Variants in TK2 observed in about 807,000 individuals in gnomAD.
TK2 encodes thymidine kinase 2.
TK2 carries 35 observed loss-of-function variants against 41.9 expected under a neutral mutation model. That is an observed-to-expected ratio of 0.84 (90% confidence interval 0.64 to 1.11). The LOEUF is 1.11. Ranked by LOEUF, TK2 falls within the 50% of genes least tolerant of loss-of-function variation. The probability of loss-of-function intolerance (pLI) is 0.00; values close to 1 mark genes in which losing one functional copy is unlikely to be tolerated. For synonymous variants in TK2, 128 were observed against 129.1 expected, an observed-to-expected ratio of 0.99 and a Z score of 0.06; for missense variants, 320 against 351.1, an observed-to-expected ratio of 0.91 and a Z score of 0.71.
intron 3 of TK2, among the ~76,000 whole-genome samples, chr16:66,537,807 A>T (rs1400847911): frequency 4.6e-5 from 7 of 152,200 alleles, no homozygotes; most frequent in Non-Finnish European, 8.8e-5. Context: ...TTCAGAGTAC[A>T]TGTGAGAAGG....
At chr16:66,544,193 C>T (rs776385196) in intron 2 of TK2, among the ~76,000 whole-genome samples, 2 of 152,114 alleles carry the variant, frequency 1.3e-5, no homozygotes, top group Non-Finnish European at 2.9e-5. Context: ...ATCTGCCCTC[C>T]GGTTTACAGC....
At chr16:66,549,896 C>A in intron 1 of TK2, 42 bp downstream of exon 1, 1 of 1,332,382 alleles carries the variant, frequency 7.5e-7, no homozygotes, top group Non-Finnish European at 9.5e-7. Flanking sequence ...AGTAGGTGGG[C>A]GCATAGGGGC....
chr16:66,536,989 C>A lies in TK2; in HGVS notation c.260G>T (p.Arg87Ile). ...CAGAGGATTGTGGCCACGGACATTT[C>A]TCCACTTGGACACAGGCTCCGTTAA... ...EVLTEPVSKWRNVRGHNPLGL... is the reference protein window; with the variant it reads ...EVLTEPVSKWINVRGHNPLGL... Residue 87 changes from arginine (R) to isoleucine (I), a missense_variant, in exon 4 of 10, where the codon AGA becomes ATA. Transcript: ENST00000544898. The A allele has an allele frequency of 6.2e-7, 1 of 1,614,106 alleles. No homozygotes were observed. Among genetic ancestry groups the A allele is most frequent in the Non-Finnish European group, 8.5e-7 (1 of 1,180,008 alleles).
Position 66,541,969 on chromosome 16 carries a change from T to C in TK2, c.157-16A>G, listed in dbSNP as rs766039904. 53 of 1,613,758 alleles carry C rather than the reference T, an allele frequency of 3.3e-5. No homozygotes were observed. The highest frequency in any genetic ancestry group is 6.7e-5 in the Admixed American group (4 of 59,990). ...CGACACAGATCTGGCAAAAGACGAATGCATATTAGAGCCAGAACTCAAGCA... is the reference window on the plus strand; with the variant it reads ...CGACACAGATCTGGCAAAAGACGAACGCATATTAGAGCCAGAACTCAAGCA... On this transcript the variant is annotated splice_polypyrimidine_tract_variant and intron_variant, in intron 2 of 9. Coordinates refer to ENST00000544898, the MANE Select transcript of TK2 (RefSeq NM_004614.5).
In TK2 at chr16:66,517,979, C is replaced by A. The variant is rs146584582; in HGVS notation, c.450-102G>T. The A allele has an allele frequency of 1.8e-4, 170 of 932,294 alleles. No individual in the cohort carries two copies. Among genetic ancestry groups the A allele is most frequent in the Admixed American group, 3.3e-4 (19 of 57,602 alleles). 57.8% of individuals were successfully genotyped at this position (932,294 alleles called of 1,614,324 possible). On this transcript the variant is annotated intron_variant, in intron 6 of 9. Coordinates refer to ENST00000544898, the MANE Select transcript of TK2 (RefSeq NM_004614.5). This position sits in a 1 kb window ranked among gnomAD's most constrained non-coding sequence, Gnocchi z 4.3. ...AGACGGCTCTCAATGAAAGGAGTCA[C>A]CAAGGGTACCAGGGCACAGTGTGAT...
Position 66,511,728 on chromosome 16 carries a change from G to C in TK2, c.*240C>G. 1.7e-6 allele frequency: 1 copy of C among 582,656 alleles called. No individual in the cohort carries two copies. The highest frequency in any genetic ancestry group is 3.1e-6 in the Non-Finnish European group (1 of 323,462). 36.1% of individuals were successfully genotyped at this position (582,656 alleles called of 1,614,324 possible). On this transcript the variant is annotated 3_prime_UTR_variant, in exon 10 of 10. Coordinates refer to ENST00000544898, the MANE Select transcript of TK2 (RefSeq NM_004614.5). ...AGCACAAAGCCATGGGAGAGGCACCGGGGGAATGTGAGGCTGCGAACAGCA... is the reference window on the plus strand; with the variant it reads ...AGCACAAAGCCATGGGAGAGGCACCCGGGGAATGTGAGGCTGCGAACAGCA...
chr16:66,510,897 C>G lies in TK2; in HGVS notation c.*1071G>C, dbSNP rs924745857. 6.6e-6 allele frequency: 1 copy of G among 152,154 alleles called. No homozygotes were observed. The highest frequency in any genetic ancestry group is 1.5e-5 in the Non-Finnish European group (1 of 68,054). 9.4% of individuals were successfully genotyped at this position (152,154 alleles called of 1,614,324 possible). On this transcript the variant is annotated 3_prime_UTR_variant, in exon 10 of 10. Transcript: ENST00000544898. Reference sequence around the variant, plus strand: ...GAAGCTAAGGTATTTTCTGAGCCAACAAAGATGATTTCAGGCTCTATGGCT... The same window carrying G: ...GAAGCTAAGGTATTTTCTGAGCCAAGAAAGATGATTTCAGGCTCTATGGCT...
At chr16:66,538,515 C>T (rs1040709444) in intron 3 of TK2, among the ~76,000 whole-genome samples, 3 of 152,102 alleles carry the variant, frequency 2.0e-5, no homozygotes, top group African/African-American at 7.2e-5. Context: ...CACTGTCACC[C>T]AACAAACATT....
chr16:66,550,092 T>C lies in TK2; in HGVS notation c.-31A>G. The stretch of plus-strand genomic sequence containing the variant: ...GGCGAGCGGATCCAGAGGCCCGGGG[T>C]TCCTTCTTGTGCGAGTCGGCGCGGA... On this transcript the variant is annotated 5_prime_UTR_variant, in exon 1 of 10. Coordinates refer to ENST00000544898, the MANE Select transcript of TK2 (RefSeq NM_004614.5). 6.2e-7 allele frequency: 1 copy of C among 1,604,940 alleles called. No homozygotes were observed. The highest frequency in any genetic ancestry group is 1.7e-5 in the Admixed American group (1 of 58,620).
chr16:66,542,329 T>C (rs1965482366), intron 2 of TK2, among the ~76,000 whole-genome samples: 1 of 151,960 alleles, frequency 6.6e-6, no homozygotes. Flanking sequence ...GCTTTGAGGC[T>C]AGGAAACACA....
intron 6 of TK2, among the ~76,000 whole-genome samples, chr16:66,527,123 T>C (rs989627784): frequency 6.6e-6 from 1 of 152,164 alleles, no homozygotes; most frequent in Non-Finnish European, 1.5e-5. Context: ...AACCTAGCAG[T>C]GGACACCTGG....
rs556436964 is a variant in TK2, at chr16:66,514,406, C to A, written c.619-595G>T. Among the ~76,000 whole-genome samples, 1 of 152,366 alleles carries A rather than the reference C, an allele frequency of 6.6e-6. No individual in the cohort carries two copies. The highest frequency in any genetic ancestry group is 1.9e-4 in the East Asian group (1 of 5,182). On this transcript the variant is annotated intron_variant, in intron 8 of 9. Transcript: ENST00000544898. The surrounding 1 kb of genome is among the most constrained non-coding windows in gnomAD (Gnocchi z 4.2). ...GAGGTGCCGGGATTGCAGACGGAGT[C>A]TGGTTCACTCAGTGCTCAATGTTGC...
chr16:66,539,158 T>A (rs1051536013), intron 3 of TK2, among the ~76,000 whole-genome samples: 1 of 152,134 alleles, frequency 6.6e-6, no homozygotes, highest in African/African-American at 2.4e-5. Context: ...TAAAGTGCCA[T>A]TAAGAGTCAT....
intron 2 of TK2, among the ~76,000 whole-genome samples, chr16:66,543,540 A>G (rs1965518837): frequency 6.6e-6 from 1 of 152,142 alleles, no homozygotes; most frequent in African/African-American, 2.4e-5. Context: ...ACACACAGAG[A>G]GGGGCCCGAC....
At chr16:66,527,426 G>A (rs1169071512) in intron 6 of TK2, among the ~76,000 whole-genome samples, 1 of 152,126 alleles carries the variant, frequency 6.6e-6, no homozygotes, top group African/African-American at 2.4e-5. Flanking sequence ...GCAAAACAGT[G>A]GGGGACCAGA....
intron 3 of TK2, among the ~76,000 whole-genome samples, chr16:66,540,173 C>CTTTTTTT (rs200305417): frequency 0.043 from 5,580 of 130,016 alleles, 182 homozygotes; most frequent in South Asian, 0.11. Flanking sequence ...TTTCTTTTTT[C>CTTTTTTT]TTTTTTTTTT....
Position 66,549,954 on chromosome 16 carries a change from G to T in TK2, c.108C>A (p.Arg36=). 1 of 1,444,158 alleles carries T rather than the reference G, an allele frequency of 6.9e-7. No homozygotes were observed. The highest frequency in any genetic ancestry group is 9.0e-7 in the Non-Finnish European group (1 of 1,110,416). The allele number at this position is 1,444,158 out of a possible 1,614,324, so 89.5% of individuals were successfully genotyped here. A position where few individuals can be genotyped will look rare whatever the true frequency, so the allele number is the denominator to read the frequency against. The change falls in exon 1 of 10, where the codon CGC becomes CGA. Residue 36 remains arginine (R), a synonymous_variant. Transcript: ENST00000544898. The stretch of plus-strand genomic sequence containing the variant: ...GCGCGTTACCGGGAGGCCAGGCCCG[G>T]CGCTGCACCCTCCGCGGCCCGGGGC... ...ASGPGPRRVQ[R]RAWPPDKEQE...
At chr16:66,544,244 G>A (rs889813071) in intron 2 of TK2, among the ~76,000 whole-genome samples, 2 of 152,198 alleles carry the variant, frequency 1.3e-5, no homozygotes. Flanking sequence ...CCCTGAAATG[G>A]AAGGGGGAAC....
At chr16:66,533,187 A>C (rs1420602022) in intron 4 of TK2, among the ~76,000 whole-genome samples, 1 of 151,042 alleles carries the variant, frequency 6.6e-6, no homozygotes, top group African/African-American at 2.4e-5. Flanking sequence ...CTCCTGCCTC[A>C]GCCTCCCAAG....
Sources: gnomAD v4.1 joint callset for allele counts (sites outside exome capture counted in the v4.1 genomes callset) on GRCh38, gnomAD v4.1.1 for gene constraint, Gnocchi (gnomAD v3.1) non-coding constraint, MANE v1.5 for transcripts, NCBI Gene and HGNC (gene_info 2026-07-23, HGNC 2026-07-21) for gene names.